SLC14A2: variants seen among roughly 807,000 people sequenced by gnomAD.
The protein encoded by SLC14A2 is solute carrier family 14 member 2.
In SLC14A2, 91 loss-of-function variants were observed where a neutral mutation model predicts 104.6. That is an observed-to-expected ratio of 0.87 (90% CI 0.73 to 1.04). The LOEUF is 1.04. SLC14A2 is among the 50% of genes least tolerant of loss of function. The pLI, the probability that SLC14A2 is intolerant of heterozygous loss-of-function variation, is 0.00. For missense variants in SLC14A2, 1,189 were observed against 1,156.0 expected, an observed-to-expected ratio of 1.03 and a Z score of -0.41; for synonymous variants, 476 against 466.4, an observed-to-expected ratio of 1.02 and a Z score of -0.27.
chr18:45,250,639 C>T (rs2048760732), intron 1 of SLC14A2, among the ~76,000 whole-genome samples: 1 of 152,030 alleles, frequency 6.6e-6, no homozygotes, highest in Admixed American at 6.6e-5. Flanking sequence ...CAGGATTTTC[C>T]ATGGGAAACC....
chr18:45,656,965 A>G (rs12454702), intron 10 of SLC14A2, among the ~76,000 whole-genome samples: 2,793 of 152,270 alleles, frequency 0.018, 66 homozygotes, highest in Admixed American at 0.061. Flanking sequence ...TGGATTAAGA[A>G]GTTGAGCCTT....
intron 1 of SLC14A2, among the ~76,000 whole-genome samples, chr18:45,392,789 A>T (rs919901115): frequency 6.6e-6 from 1 of 152,228 alleles, no homozygotes; most frequent in Non-Finnish European, 1.5e-5. Flanking sequence ...AATAATGTGA[A>T]TTAATCTATG....
intron 1 of SLC14A2, among the ~76,000 whole-genome samples, chr18:45,247,488 G>A (rs2084378277): frequency 6.6e-6 from 1 of 152,138 alleles, no homozygotes; most frequent in Non-Finnish European, 1.5e-5. Context: ...TTAGATGTGG[G>A]AGAGAGATTT....
chr18:45,308,244 C>T (rs1436690334), intron 1 of SLC14A2, among the ~76,000 whole-genome samples: 1 of 152,100 alleles, frequency 6.6e-6, no homozygotes, highest in Non-Finnish European at 1.5e-5. Context: ...GTGCTAAGCT[C>T]TGTGTGCATG....
intron 1 of SLC14A2, among the ~76,000 whole-genome samples, chr18:45,345,474 G>T (rs1171146802): frequency 6.6e-6 from 1 of 152,094 alleles, no homozygotes; most frequent in Non-Finnish European, 1.5e-5. Context: ...TCCTGCAAAA[G>T]CTTCCCTACA....
intron 1 of SLC14A2, among the ~76,000 whole-genome samples, chr18:45,452,471 G>A (rs111284552): frequency 0.028 from 4,336 of 152,276 alleles, 96 homozygotes; most frequent in Non-Finnish European, 0.044. Flanking sequence ...TACTGGGTAC[G>A]TGACATTTTA....
chr18:45,678,098 C>T (rs188492449), intron 18 of SLC14A2, among the ~76,000 whole-genome samples: 3 of 152,248 alleles, frequency 2.0e-5, no homozygotes, highest in Non-Finnish European at 2.9e-5. Flanking sequence ...GGATTACAGA[C>T]GTGAGCCGCC....
At chr18:45,431,626 C>A (rs1272553165) in intron 1 of SLC14A2, among the ~76,000 whole-genome samples, 1 of 152,174 alleles carries the variant, frequency 6.6e-6, no homozygotes, top group Non-Finnish European at 1.5e-5. Flanking sequence ...AGGGCACCAC[C>A]TCAGCCTGAA....
intron 1 of SLC14A2, among the ~76,000 whole-genome samples, chr18:45,257,317 G>A (rs190444919): frequency 2.4e-4 from 37 of 152,290 alleles, no homozygotes; most frequent in Non-Finnish European, 4.3e-4. Context: ...AAATTCACAC[G>A]TAATAGACTA....
intron 1 of SLC14A2, among the ~76,000 whole-genome samples, chr18:45,296,986 C>A (rs1208702403): frequency 6.6e-6 from 1 of 152,078 alleles, no homozygotes; most frequent in African/African-American, 2.4e-5. Context: ...AGATGTGAGA[C>A]CCTCTATTAT....
chr18:45,538,032 C>T (rs569817104), intron 2 of SLC14A2, among the ~76,000 whole-genome samples: 2 of 152,332 alleles, frequency 1.3e-5, no homozygotes, highest in East Asian at 3.9e-4. Flanking sequence ...TTTGCTCACA[C>T]AGTTTCTGAG....
intron 18 of SLC14A2, 122 bp from the exon 19 acceptor site, chr18:45,678,853 T>TA (rs1279026068): frequency 2.2e-6 from 2 of 906,772 alleles, no homozygotes; most frequent in Non-Finnish European, 3.2e-6. Context: ...CTCAAATTTT[T>TA]AAAAAATCTT....
intron 1 of SLC14A2, among the ~76,000 whole-genome samples, chr18:45,357,634 C>A (rs986545566): frequency 6.6e-6 from 1 of 151,942 alleles, no homozygotes; most frequent in African/African-American, 2.4e-5. Context: ...AAGACCACCC[C>A]ACAGTGTGTG....
intron 2 of SLC14A2, among the ~76,000 whole-genome samples, chr18:45,584,725 C>T (rs999104063): frequency 5.9e-5 from 9 of 152,164 alleles, no homozygotes; most frequent in African/African-American, 2.2e-4. Flanking sequence ...CCAGCTCTAG[C>T]TCTGTGTGAG....
intron 1 of SLC14A2, among the ~76,000 whole-genome samples, chr18:45,328,148 C>T (rs2085254659): frequency 6.6e-6 from 1 of 152,214 alleles, no homozygotes; most frequent in South Asian, 2.1e-4. Flanking sequence ...TGTTCCCTCT[C>T]CTCCTCATGC....
upstream of SLC14A2, among the ~76,000 whole-genome samples, chr18:45,211,279 C>T (rs2083958997): frequency 3.9e-5 from 6 of 152,290 alleles, no homozygotes; most frequent in South Asian, 1.2e-3. Flanking sequence ...TTACCTTTCT[C>T]CCCCTTTTAA....
chr18:45,540,294 G>A (rs1382281730), intron 2 of SLC14A2, among the ~76,000 whole-genome samples: 2 of 150,268 alleles, frequency 1.3e-5, no homozygotes, highest in Non-Finnish European at 2.9e-5. Context: ...GCTGTTCTCA[G>A]TTACTGGAGG....
chr18:45,265,461 T>C (rs192931405), intron 1 of SLC14A2, among the ~76,000 whole-genome samples: 144 of 152,296 alleles, frequency 9.5e-4, no homozygotes, highest in African/African-American at 3.2e-3. Flanking sequence ...TTTTGAAATA[T>C]GATTTTATCT....
intron 1 of SLC14A2, among the ~76,000 whole-genome samples, chr18:45,319,545 G>A (rs2085164232): frequency 6.6e-6 from 1 of 152,208 alleles, no homozygotes; most frequent in South Asian, 2.1e-4. Flanking sequence ...TGGGACCATG[G>A]CCATCTTTCC....
Sources: allele counts gnomAD v4.1 joint callset (sites outside exome capture counted in the v4.1 genomes callset), GRCh38; gene constraint gnomAD v4.1.1; transcripts MANE v1.5; gene names NCBI Gene and HGNC (gene_info 2026-07-23, HGNC 2026-07-21).